The following TMEM248 variants were observed in gnomAD, a reference collection of about 807,000 sequenced individuals.
TMEM248 encodes UPF0458 protein C7orf42.
Under a neutral mutation model 30.3 loss-of-function variants are expected in TMEM248, and 9 were observed. That is an observed-to-expected ratio of 0.30 (90% CI 0.18 to 0.52). TMEM248 has a LOEUF of 0.52. Ranked by LOEUF, TMEM248 falls within the 20% of genes least tolerant of loss-of-function variation. The pLI is 0.97. For synonymous variants in TMEM248, 184 were observed against 154.4 expected (o/e 1.19, Z -1.42); for missense variants, 338 against 403.3 (o/e 0.84, Z 1.39).
Position 66,929,426 on chromosome 7 carries a change from A to ATTTTTTTTTTTTTTTTTTTTTTTTTTTTT in TMEM248, c.-19+7993_-19+7994insTTTTTTTTTTTTTTTTTTTTTTTTTTTTT, listed in dbSNP as rs35126436. Among the ~76,000 whole-genome samples the ATTTTTTTTTTTTTTTTTTTTTTTTTTTTT allele has an allele frequency of 7.2e-5, 7 of 97,672 alleles. 1 individual carries two copies. The highest frequency in any genetic ancestry group is 3.7e-4 in the East Asian group (1 of 2,714). The allele number at this position is 97,672 out of a possible 152,430, so 64.1% of individuals were successfully genotyped here. A position where few individuals can be genotyped will look rare whatever the true frequency, so the allele number is the denominator to read the frequency against. On this transcript the variant is annotated intron_variant, in intron 1 of 6. Coordinates refer to ENST00000341567, the MANE Select transcript of TMEM248 (RefSeq NM_017994.5). The stretch of plus-strand genomic sequence containing the variant: ...ACAATATCATGGAAATGAGAGACAA[A>ATTTTTTTTTTTTTTTTTTTTTTTTTTTTT]TTTTTTTTTTTTTTTTTTTTTTTTT...
rs1355329071 is a variant in TMEM248, at chr7:66,956,996, T to A, written c.*1474T>A. 2 of 152,650 alleles carry A rather than the reference T, an allele frequency of 1.3e-5. No homozygotes were observed. The highest frequency in any genetic ancestry group is 4.8e-5 in the African/African-American group (2 of 41,462). 9.5% of individuals were successfully genotyped at this position (152,650 alleles called of 1,614,324 possible). ...GGCCCTCTTACACCATTTTGTTTGA[T>A]TGTCTAGTCCCTGTTTCTTTTTCTT... On this transcript the variant is annotated 3_prime_UTR_variant, in exon 7 of 7. Coordinates refer to ENST00000341567, the MANE Select transcript of TMEM248 (RefSeq NM_017994.5).
chr7:66,938,170 A>G (rs117730712), intron 1 of TMEM248, among the ~76,000 whole-genome samples: 2,313 of 152,112 alleles, frequency 0.015, 61 homozygotes, highest in East Asian at 0.092. Context: ...CAGTGTTGTT[A>G]CTGATAAGTA....
chr7:66,924,104 A>G (rs1584392597), intron 1 of TMEM248, among the ~76,000 whole-genome samples: 1 of 152,270 alleles, frequency 6.6e-6, no homozygotes. Flanking sequence ...GGTATTGACA[A>G]TCAGGAAATT....
chr7:66,936,859 A>G (rs1408254948), intron 1 of TMEM248, among the ~76,000 whole-genome samples: 11 of 151,944 alleles, frequency 7.2e-5, no homozygotes, highest in Admixed American at 2.0e-4. Context: ...TTCTGACTTC[A>G]TCTGGTTCAA....
At chr7:66,930,765 CTGT>C (rs1791642746) in intron 1 of TMEM248, 1 of 152,598 alleles carries the variant, frequency 6.6e-6, no homozygotes, top group South Asian at 2.1e-4. Context: ...GCATCGATGA[CTGT>C]TGTTTACTAG....
intron 1 of TMEM248, among the ~76,000 whole-genome samples, chr7:66,925,883 C>A (rs1301523555): frequency 1.3e-5 from 2 of 151,850 alleles, no homozygotes; most frequent in Admixed American, 6.6e-5. Flanking sequence ...CCTCATAATC[C>A]ACCCGCCTCA....
chr7:66,951,185 T>C (rs1464235363), intron 5 of TMEM248, 50 bp downstream of exon 5: 1 of 1,459,318 alleles, frequency 6.9e-7, no homozygotes, highest in Non-Finnish European at 9.1e-7. Context: ...CATATGCACA[T>C]GTGTGCGCAT....
chr7:66,925,389 AC>A (rs1445722260), intron 1 of TMEM248, among the ~76,000 whole-genome samples: 1 of 152,150 alleles, frequency 6.6e-6, no homozygotes, highest in African/African-American at 2.4e-5. Flanking sequence ...CTTTTCTCTA[AC>A]GGACTTTGTA....
intron 1 of TMEM248, among the ~76,000 whole-genome samples, chr7:66,938,930 T>C (rs183816136): frequency 7.0e-4 from 106 of 152,342 alleles, no homozygotes; most frequent in African/African-American, 2.5e-3. Flanking sequence ...AAAAGGAATT[T>C]CTAAACATCA....
At chr7:66,937,792 C>T (rs963006001) in intron 1 of TMEM248, among the ~76,000 whole-genome samples, 1 of 152,150 alleles carries the variant, frequency 6.6e-6, no homozygotes, top group Non-Finnish European at 1.5e-5. Flanking sequence ...CTCACCACAA[C>T]CTCTGCCTCC....
In TMEM248 at chr7:66,948,609, T is replaced by A; in HGVS notation, c.511T>A (p.Cys171Ser). 1 of 1,614,174 alleles carries A rather than the reference T, an allele frequency of 6.2e-7. No individual in the cohort carries two copies. The highest frequency in any genetic ancestry group is 8.5e-7 in the Non-Finnish European group (1 of 1,180,020). Residue 171 changes from cysteine to serine, a missense_variant, in exon 4 of 7, where the codon TGC (cysteine) becomes AGC (serine). Physicochemically the swap from Cys to Ser is moderately radical, Grantham distance 112. Transcript: ENST00000341567. ...GCCTACAGCGTGGAGCTCAGATGAC[T>A]GCGCCCTCCACGGTCACTGTGAGCA... The part of the protein sequence containing the change: ...TLPTAWSSDD[C>S]ALHGHCEQVV...
chr7:66,921,927 C>T (rs988515949), intron 1 of TMEM248: 1 of 152,184 alleles, frequency 6.6e-6, no homozygotes, highest in Non-Finnish European at 1.5e-5. Context: ...TGGTAAATAT[C>T]CGGAATGGGG....
At chr7:66,947,330 A>G (rs906446194) in intron 3 of TMEM248, among the ~76,000 whole-genome samples, 2 of 152,012 alleles carry the variant, frequency 1.3e-5, no homozygotes, top group Non-Finnish European at 2.9e-5. Flanking sequence ...TAATCAAGGT[A>G]TGGGTGACTT....
At chr7:66,927,520 A>G (rs1429587651) in intron 1 of TMEM248, among the ~76,000 whole-genome samples, 1 of 150,986 alleles carries the variant, frequency 6.6e-6, no homozygotes, top group Non-Finnish European at 1.5e-5. Context: ...GGCTCACAGT[A>G]GCCTTGAACT....
intron 2 of TMEM248, among the ~76,000 whole-genome samples, chr7:66,943,581 C>G (rs148988003): frequency 1.7e-4 from 26 of 152,268 alleles, no homozygotes; most frequent in Non-Finnish European, 3.2e-4. Flanking sequence ...CTAATTTGCC[C>G]TGGGCCTCAG....
intron 1 of TMEM248, among the ~76,000 whole-genome samples, chr7:66,941,596 A>G (rs1161371204): frequency 6.7e-6 from 1 of 148,440 alleles, no homozygotes; most frequent in Admixed American, 6.8e-5. Flanking sequence ...ACACACACAC[A>G]CAATATTTAG....
intron 1 of TMEM248, among the ~76,000 whole-genome samples, chr7:66,924,730 A>G (rs888547588): frequency 2.7e-5 from 4 of 149,464 alleles, no homozygotes; most frequent in South Asian, 2.1e-4. Context: ...TATTTATTTG[A>G]GATGGAGTCT....
At chr7:66,937,549 A>G (rs1286987582) in intron 1 of TMEM248, among the ~76,000 whole-genome samples, 1 of 152,174 alleles carries the variant, frequency 6.6e-6, no homozygotes, top group African/African-American at 2.4e-5. Context: ...TTGGGTACAT[A>G]TATATTTATA....
At chr7:66,925,791 G>A (rs182284079) in intron 1 of TMEM248, among the ~76,000 whole-genome samples, 23 of 151,010 alleles carry the variant, frequency 1.5e-4, no homozygotes, top group Non-Finnish European at 2.5e-4. Context: ...ACAGGTGCAC[G>A]CCACCACGCC....
Sources: allele counts gnomAD v4.1 joint callset (sites outside exome capture counted in the v4.1 genomes callset), GRCh38; gene constraint gnomAD v4.1.1; transcripts MANE v1.5; gene names NCBI Gene and HGNC (gene_info 2026-07-23, HGNC 2026-07-21).